DUSP16: variants seen among roughly 807,000 people sequenced by gnomAD.
DUSP16 encodes dual specificity phosphatase 16, also known as dual specificity protein phosphatase 16.
DUSP16 carries 21 observed loss-of-function variants against 58.3 expected under a neutral mutation model. That is an observed-to-expected ratio of 0.36 (90% CI 0.26 to 0.52). The LOEUF (loss-of-function observed/expected upper bound fraction) is 0.52. Ranked by LOEUF, DUSP16 falls within the 20% of genes least tolerant of loss-of-function variation. DUSP16 has a pLI of 0.94. For missense variants in DUSP16, 726 were observed against 819.0 expected, an observed-to-expected ratio of 0.89 and a Z score of 1.39; for synonymous variants, 320 against 323.8, an observed-to-expected ratio of 0.99 and a Z score of 0.12.
chr12:12,560,752 T>A (rs1187865820), intron 1 of DUSP16: 1 of 152,228 alleles, frequency 6.6e-6, no homozygotes, highest in Non-Finnish European at 1.5e-5. Flanking sequence ...AAATCTTTTC[T>A]TTTAAAATTT....
At chr12:12,505,254 G>A (rs995399050) in intron 3 of DUSP16, among the ~76,000 whole-genome samples, 4 of 152,162 alleles carry the variant, frequency 2.6e-5, no homozygotes, top group Admixed American at 6.5e-5. Context: ...TTGGATGCAG[G>A]GACAGCCTTG....
At position 12,482,393 on chromosome 12, in the gene DUSP16, C is replaced by G. The variant is rs373048061; in HGVS notation, c.692-2047G>C. Among the ~76,000 whole-genome samples the G allele has an allele frequency of 2.0e-4, 31 of 152,246 alleles. 2 individuals are homozygous for G. In the South Asian group the frequency reaches 6.0e-3, roughly 29 times the overall value. On this transcript the variant is annotated intron_variant, in intron 5 of 6. Coordinates refer to ENST00000298573, the MANE Select transcript of DUSP16 (RefSeq NM_030640.3). ...TTTCAAATTTTCTGCAATGTGCTTA[C>G]AACTGTTTTTATAACCACAACTCTT...
rs191380076 is a variant in DUSP16 at position 12,480,160 on chromosome 12, A to C, written c.815+63T>G. 3.1e-4 allele frequency: 485 copies of C among 1,588,972 alleles called. 1 individual carries two copies. In the African/African-American group the frequency reaches 5.6e-3, roughly 18 times the overall value. ...TGCTTTAATTTGGTTACCCATCCTC[A>C]TCATTCTTTATGTTTCAGGTCAAAT... On this transcript the variant is annotated intron_variant, in intron 6 of 6. Coordinates refer to ENST00000298573, the MANE Select transcript of DUSP16 (RefSeq NM_030640.3).
intron 1 of DUSP16, among the ~76,000 whole-genome samples, chr12:12,528,869 G>T (rs1944343125): frequency 6.6e-6 from 1 of 152,114 alleles, no homozygotes; most frequent in Non-Finnish European, 1.5e-5. Context: ...GGGGGTGGCT[G>T]TTAAATTGTA....
chr12:12,500,387 C>A, intron 4 of DUSP16, 132 bp downstream of exon 4: 1 of 1,067,314 alleles, frequency 9.4e-7, no homozygotes, highest in Non-Finnish European at 1.3e-6. Context: ...CAACTGTTAC[C>A]TGGGGAGCAC....
chr12:12,546,398 T>C (rs963182950), intron 1 of DUSP16, among the ~76,000 whole-genome samples: 16 of 152,232 alleles, frequency 1.1e-4, no homozygotes, highest in African/African-American at 3.9e-4. Flanking sequence ...ATTTCAATCC[T>C]TGAGTTACTG....
intron 5 of DUSP16, among the ~76,000 whole-genome samples, chr12:12,483,522 A>G (rs1449994178): frequency 6.6e-6 from 1 of 152,154 alleles, no homozygotes; most frequent in East Asian, 1.9e-4. Flanking sequence ...AACTTACTCA[A>G]ACCACTTCAC....
intron 1 of DUSP16, among the ~76,000 whole-genome samples, chr12:12,552,447 AAAAT>A (rs1053752176): frequency 2.6e-5 from 4 of 152,252 alleles, no homozygotes; most frequent in African/African-American, 9.6e-5. Context: ...CTATCTCAAA[AAAAT>A]AAATAAATAA....
At chr12:12,515,287 T>C (rs1034819056) in intron 3 of DUSP16, among the ~76,000 whole-genome samples, 4 of 151,916 alleles carry the variant, frequency 2.6e-5, no homozygotes, top group Middle Eastern at 3.4e-3. Flanking sequence ...ATCATTATTA[T>C]GATACATTTA....
intron 5 of DUSP16, among the ~76,000 whole-genome samples, chr12:12,481,485 T>C (rs551002879): frequency 1.2e-4 from 18 of 152,364 alleles, no homozygotes; most frequent in Middle Eastern, 3.4e-3. Flanking sequence ...GTTAAAATTC[T>C]TGCGATTAAC....
intron 4 of DUSP16, among the ~76,000 whole-genome samples, chr12:12,488,020 TGAAG>T (rs1943709800): frequency 6.6e-6 from 1 of 152,180 alleles, no homozygotes; most frequent in Non-Finnish European, 1.5e-5. Context: ...CAGGAGCTCT[TGAAG>T]TTTGCAGTGG....
At chr12:12,489,700 G>T (rs1943736166) in intron 4 of DUSP16, among the ~76,000 whole-genome samples, 1 of 152,212 alleles carries the variant, frequency 6.6e-6, no homozygotes, top group Admixed American at 6.5e-5. Flanking sequence ...AAAACATGTT[G>T]CAAGTCAATA....
chr12:12,504,933 GA>G (rs1360674440), intron 3 of DUSP16, among the ~76,000 whole-genome samples: 1 of 152,102 alleles, frequency 6.6e-6, no homozygotes, highest in Non-Finnish European at 1.5e-5. Flanking sequence ...TTCTCAAAGA[GA>G]AAACAGAGAA....
chr12:12,542,897 G>A (rs972960941), intron 1 of DUSP16, among the ~76,000 whole-genome samples: 4 of 151,990 alleles, frequency 2.6e-5, no homozygotes, highest in Admixed American at 6.6e-5. Flanking sequence ...AGGTCATGAG[G>A]TGGAGCCCTC....
chr12:12,551,874 A>C (rs1476943433), intron 1 of DUSP16, among the ~76,000 whole-genome samples: 1 of 151,970 alleles, frequency 6.6e-6, no homozygotes, highest in Non-Finnish European at 1.5e-5. Flanking sequence ...TGTTATTTTT[A>C]GTAGAGACGG....
chr12:12,498,868 A>T (rs1444160364), intron 4 of DUSP16, among the ~76,000 whole-genome samples: 1 of 152,150 alleles, frequency 6.6e-6, no homozygotes, highest in African/African-American at 2.4e-5. Flanking sequence ...GTGTTGTCCT[A>T]TAAACTTCCA....
rs1300359821 is a variant in DUSP16, at chr12:12,474,378, T to TCTAA, written c.*2451_*2454dup. The TCTAA allele has an allele frequency of 2.0e-5, 3 of 151,266 alleles. No homozygotes were observed. Among genetic ancestry groups the TCTAA allele is most frequent in the Non-Finnish European group, 3.0e-5 (2 of 67,510 alleles). The allele number at this position is 151,266 out of a possible 1,614,324, so 9.4% of individuals were successfully genotyped here. A position where few individuals can be genotyped will look rare whatever the true frequency, so the allele number is the denominator to read the frequency against. ...ATATTAAACATTTACAGTCTTTCCA[T>TCTAA]CTAACTTTACACATGTCCTAAATCA... is the stretch of plus-strand genomic sequence containing the variant. On this transcript the variant is annotated 3_prime_UTR_variant, in exon 7 of 7. Coordinates refer to ENST00000298573, the MANE Select transcript of DUSP16 (RefSeq NM_030640.3).
chr12:12,496,160 ATTG>A (rs1489482123), intron 4 of DUSP16, among the ~76,000 whole-genome samples: 5 of 152,160 alleles, frequency 3.3e-5, no homozygotes, highest in African/African-American at 1.2e-4. Context: ...TGTCATGTCA[ATTG>A]TTGTTTAATG....
rs1943397275 is a variant in DUSP16 at position 12,475,023 on chromosome 12, T to A, written c.*1810A>T. On this transcript the variant is annotated 3_prime_UTR_variant, in exon 7 of 7. Coordinates refer to ENST00000298573, the MANE Select transcript of DUSP16 (RefSeq NM_030640.3). The stretch of plus-strand genomic sequence containing the variant: ...CATTATTTGTGCACAACTAGTGAGG[T>A]CTGTGCGGCTCATCATCCCCATAAC... 1 of 152,218 alleles carries A rather than the reference T, an allele frequency of 6.6e-6. No individual in the cohort carries two copies. Among genetic ancestry groups the A allele is most frequent in the Non-Finnish European group, 1.5e-5 (1 of 68,054 alleles). The allele number at this position is 152,218 out of a possible 1,614,324, so 9.4% of individuals were successfully genotyped here.
Sources: gnomAD v4.1 joint callset for allele counts (sites outside exome capture counted in the v4.1 genomes callset) on GRCh38, gnomAD v4.1.1 for gene constraint, MANE v1.5 for transcripts, NCBI Gene and HGNC (gene_info 2026-07-23, HGNC 2026-07-21) for gene names.